The following PRAMEF14 variants were observed in gnomAD, a reference collection of about 807,000 sequenced individuals.
PRAMEF14 encodes PRAME family member 14.
PRAMEF14 carries 24 observed loss-of-function variants against 38.3 expected under a neutral mutation model. That is an observed-to-expected ratio of 0.63 (90% confidence interval 0.45 to 0.88). PRAMEF14 has a LOEUF of 0.88. PRAMEF14 is among the 40% of genes least tolerant of loss of function. The pLI is 0.00. For missense variants in PRAMEF14, 477 were observed against 570.8 expected (o/e 0.84, Z 1.67); for synonymous variants, 194 against 226.4 (o/e 0.86, Z 1.29).
chr1:13,344,323 TG>T lies in PRAMEF14; in HGVS notation c.580del (p.His194IlefsTer6). The T allele has an allele frequency of 1.2e-6, 2 of 1,608,038 alleles. No homozygotes were observed. Among genetic ancestry groups the T allele is most frequent in the Non-Finnish European group, 1.7e-6 (2 of 1,178,302 alleles). ...TATTATTTTCAATGACTTTCTGAGA[TG>T]TTTAATCGGCGTTAGATAATTGACC... ...KLVNYLTPIK[H>X]LRKSLKIIYL... On this transcript the variant is annotated frameshift_variant, in exon 3 of 4. Coordinates refer to ENST00000334600, the MANE Select transcript of PRAMEF14 (RefSeq NM_001024661.2). LOFTEE classifies it high-confidence loss of function.
intron 1 of PRAMEF14, among the ~76,000 whole-genome samples, chr1:13,345,875 G>A (rs1455865738): frequency 2.6e-5 from 4 of 151,954 alleles, no homozygotes; most frequent in Non-Finnish European, 5.9e-5. Context: ...TTTGACTCCA[G>A]AAGGCAGAGG....
rs776618897 is a variant in PRAMEF14 at position 13,342,596 on chromosome 1, C to A, written c.1357G>T (p.Gly453Cys). 8.1e-6 allele frequency: 13 copies of A among 1,604,176 alleles called. 1 individual carries two copies. The highest frequency in any genetic ancestry group is 2.3e-4 in the Middle Eastern group (1 of 4,422). Residue 453 changes from glycine (G) to cysteine (C), a missense_variant, in exon 4 of 4, where the codon GGT (glycine) becomes TGT (cysteine). Around this residue, in one of 4 missense-constraint regions of PRAMEF14, gnomAD observed 151 missense variants for 137.4 expected, o/e 1.10. Coordinates refer to ENST00000334600, the MANE Select transcript of PRAMEF14 (RefSeq NM_001024661.2). ...EVRQPKRIFI[G>C]PTPCPSCGSS... ...CCACAGGAAGGGCAGGGGGTGGGAC[C>A]AATGAAGATCCTCTTGGGCTGCCTG...
At chr1:13,344,653 A>G (rs1640378543) in intron 2 of PRAMEF14, 37 bp from the exon 3 acceptor site, 6 of 1,603,604 alleles carry the variant, frequency 3.7e-6, no homozygotes, top group Non-Finnish European at 5.1e-6. Flanking sequence ...AGAATTTAGA[A>G]GGACTCATCC....
intron 2 of PRAMEF14, 140 bp downstream of exon 2, chr1:13,344,888 A>G (rs1478391832): frequency 3.9e-6 from 6 of 1,535,380 alleles, no homozygotes; most frequent in African/African-American, 1.4e-5. Context: ...GATCTGGACA[A>G]TGGCCAAAGT....
intron 1 of PRAMEF14, 80 bp downstream of exon 1, chr1:13,346,977 C>T (rs1466394430): frequency 6.7e-6 from 1 of 149,632 alleles, no homozygotes; most frequent in Non-Finnish European, 1.5e-5. Flanking sequence ...TATTGTGTGC[C>T]ACTTTGGGAT....
rs1640339053 is a variant in PRAMEF14, at chr1:13,342,331, C to G, written c.*197G>C. ...AGCTGAGGCAGGAGGATCCCATAAG[C>G]CCAGCTGAGGCAGGAGGATCCCAGA... On this transcript the variant is annotated 3_prime_UTR_variant, in exon 4 of 4. Transcript: ENST00000334600. 3 of 1,060,770 alleles carry G rather than the reference C, an allele frequency of 2.8e-6. No individual in the cohort carries two copies. The highest frequency in any genetic ancestry group is 3.9e-6 in the Non-Finnish European group (3 of 761,566). The allele number at this position is 1,060,770 out of a possible 1,614,324, so 65.7% of individuals were successfully genotyped here. A position where few individuals can be genotyped will look rare whatever the true frequency, so the allele number is the denominator to read the frequency against.
Position 13,342,342 on chromosome 1 carries a change from C to A in PRAMEF14, c.*186G>T. 8.9e-7 allele frequency: 1 copy of A among 1,125,680 alleles called. No homozygotes were observed. The highest frequency in any genetic ancestry group is 1.2e-6 in the Non-Finnish European group (1 of 818,516). The allele number at this position is 1,125,680 out of a possible 1,614,324, so 69.7% of individuals were successfully genotyped here. On this transcript the variant is annotated 3_prime_UTR_variant, in exon 4 of 4. Transcript: ENST00000334600. ...GAGGATCCCATAAGCCCAGCTGAGG[C>A]AGGAGGATCCCAGAGCAACACAGAG...
rs1405531705 is a variant in PRAMEF14, at chr1:13,344,134, G to C, written c.770C>G (p.Thr257Ser). The change falls in exon 3 of 4, where the codon ACC becomes AGC. Residue 257 changes from threonine (T) to serine (S), a missense_variant. Physicochemically the swap from Thr to Ser is moderately conservative, Grantham distance 58. This residue lies in a region of PRAMEF14 where 234 missense variants were observed against 247.4 expected (regional missense o/e 0.95). Transcript: ENST00000334600. ...SDNELEGRLVTKFSSVFLRLE... is the reference protein window; with the variant it reads ...SDNELEGRLVSKFSSVFLRLE... The stretch of plus-strand genomic sequence containing the variant: ...CCTGAGGAACACAGAGCTGAATTTG[G>C]TGACTAACCGTCCTTCGAGTTCATT... 1.2e-6 allele frequency: 2 copies of C among 1,606,156 alleles called. No individual in the cohort carries two copies. Among genetic ancestry groups the C allele is most frequent in the East Asian group, 4.8e-5 (2 of 41,956 alleles).
chr1:13,346,830 TA>T (rs1426942406), intron 1 of PRAMEF14, among the ~76,000 whole-genome samples: 1 of 150,560 alleles, frequency 6.6e-6, no homozygotes, highest in Non-Finnish European at 1.5e-5. Flanking sequence ...AATATATTTT[TA>T]AAAAACCTGC....
intron 3 of PRAMEF14, chr1:13,343,836 A>T: frequency 6.7e-7 from 1 of 1,494,536 alleles, no homozygotes; most frequent in African/African-American, 1.4e-5. Flanking sequence ...ACCCCAGGTG[A>T]CCCCTCTGCC....
chr1:13,345,164 T>C lies in PRAMEF14; in HGVS notation c.151A>G (p.Thr51Ala). The C allele has an allele frequency of 2.5e-6, 4 of 1,603,622 alleles. No homozygotes were observed. Among genetic ancestry groups the C allele is most frequent in the South Asian group, 2.2e-5 (2 of 90,514 alleles). Reference protein sequence around the residue: ...MEAFRRRHFQTLTVMVQAWPF... With the variant: ...MEAFRRRHFQALTVMVQAWPF... ...CAGGCCTGCACCATCACCGTCAGAG[T>C]CTGGAAGTGTCTCCTGCGGAAGGCC... is the stretch of plus-strand genomic sequence containing the variant. The change falls in exon 2 of 4, where the codon ACT (threonine) becomes GCT (alanine). Residue 51 changes from threonine (T) to alanine (A), a missense_variant. Thr to Ala is a moderately conservative substitution (Grantham distance 58). Around this residue, in one of 4 missense-constraint regions of PRAMEF14, gnomAD observed 58 missense variants for 119.9 expected, o/e 0.48. Coordinates refer to ENST00000334600, the MANE Select transcript of PRAMEF14 (RefSeq NM_001024661.2).
At chr1:13,343,518 C>A (rs74994680) in intron 3 of PRAMEF14, 1 of 1,270,496 alleles carries the variant, frequency 7.9e-7, no homozygotes, top group Non-Finnish European at 1.0e-6. Flanking sequence ...CACGCCTACT[C>A]CCTCACCTCC....
intron 2 of PRAMEF14, 66 bp downstream of exon 2, chr1:13,344,962 C>A: frequency 2.2e-6 from 3 of 1,394,914 alleles, no homozygotes. Flanking sequence ...TACTTCTCTG[C>A]CTGACCCTGC....
rs1553125345 is a variant in PRAMEF14, at chr1:13,342,817, A to G, written c.1136T>C (p.Leu379Pro). 6.2e-7 allele frequency: 1 copy of G among 1,607,808 alleles called. No individual in the cohort carries two copies. The highest frequency in any genetic ancestry group is 1.3e-5 in the African/African-American group (1 of 74,678). Residue 379 changes from leucine (L) to proline (P), a missense_variant, in exon 4 of 4, where the codon CTC becomes CCC. Physicochemically the swap from Leu to Pro is moderately conservative, Grantham distance 98. This residue lies in a region of PRAMEF14 where 151 missense variants were observed against 137.4 expected (regional missense o/e 1.10). Transcript: ENST00000334600. ...ILPGLSHCSQ[L>P]TTFYFGRNCM... The stretch of plus-strand genomic sequence containing the variant: ...ATTTCTGCCAAAGTAGAAGGTGGTG[A>G]GCTGGGAGCAGTGGCTCAGGCCAGG...
rs1553125550 is a variant in PRAMEF14 at position 13,344,310 on chromosome 1, T to C, written c.594A>G (p.Ser198=). ...TACTATTCAGGTATATTATTTTCAA[T>C]GACTTTCTGAGATGTTTAATCGGCG... ...YLTPIKHLRK[S]LKIIYLNSIQ... The change falls in exon 3 of 4, where the codon TCA becomes TCG. Residue 198 remains serine (S), a synonymous_variant. Transcript: ENST00000334600. 509 of 1,607,368 alleles carry C rather than the reference T, an allele frequency of 3.2e-4. 79 individuals carry two copies. The East Asian group carries it at 7.8e-3, about 25-fold the overall frequency.
At position 13,344,136 on chromosome 1, in the gene PRAMEF14, G is replaced by A. The variant is rs1343682184; in HGVS notation, c.768C>T (p.Val256=). ...TGAGGAACACAGAGCTGAATTTGGT[G>A]ACTAACCGTCCTTCGAGTTCATTAT... The part of the protein sequence containing the change: ...MSDNELEGRL[V]TKFSSVFLRL... Residue 256 remains valine (V), a synonymous_variant, in exon 3 of 4, where the codon GTC becomes GTT. Transcript: ENST00000334600. The A allele has an allele frequency of 2.5e-6, 4 of 1,606,236 alleles. No homozygotes were observed. The Admixed American group carries it at 5.0e-5, about 20-fold the overall frequency.
At chr1:13,345,411 G>T (rs1423806933) in intron 1 of PRAMEF14, 72 bp from the exon 2 acceptor site, 25 of 1,419,860 alleles carry the variant, frequency 1.8e-5, no homozygotes, top group Middle Eastern at 5.2e-4. Flanking sequence ...CTGGTACCAG[G>T]AAGAATGTCT....
chr1:13,346,278 T>G lies in PRAMEF14; in HGVS notation c.-26+779A>C, dbSNP rs145226256. ...ATCCCAGCACTTTGGGAGTCTGAGG[T>G]GGGCAGATCTCCTGAGGTCAGGAGT... On this transcript the variant is annotated intron_variant, in intron 1 of 3. Transcript: ENST00000334600. Among the ~76,000 whole-genome samples the G allele has an allele frequency of 4.0e-3, 604 of 149,158 alleles. 4 individuals carry two copies. Among genetic ancestry groups the G allele is most frequent in the African/African-American group, 0.013 (532 of 40,708 alleles).
intron 2 of PRAMEF14, 89 bp from the exon 3 acceptor site, chr1:13,344,705 C>A (rs1197915460): frequency 3.8e-6 from 6 of 1,561,078 alleles, no homozygotes; most frequent in South Asian, 1.2e-5. Context: ...TCAGCTGCTC[C>A]TGTCCTCAGT....
Sources: allele counts gnomAD v4.1 joint callset (sites outside exome capture counted in the v4.1 genomes callset), GRCh38; gene constraint gnomAD v4.1.1; regional missense constraint gnomAD v4.1.1; transcripts MANE v1.5; gene names NCBI Gene and HGNC (gene_info 2026-07-23, HGNC 2026-07-21).